LRRC71: variants seen among roughly 807,000 people sequenced by gnomAD.
LRRC71 encodes the protein leucine rich repeat containing 71.
Under a neutral mutation model 66.6 loss-of-function variants are expected in LRRC71, and 54 were observed. That is an observed-to-expected ratio of 0.81 (90% CI 0.65 to 1.02). The LOEUF (loss-of-function observed/expected upper bound fraction) is 1.02, where lower values mean the gene tolerates loss of function less well. LRRC71 is among the 50% of genes least tolerant of loss of function. LRRC71 has a pLI of 0.00. For missense variants in LRRC71, 724 were observed against 718.0 expected (o/e 1.01, Z -0.10); for synonymous variants, 323 against 303.9 (o/e 1.06, Z -0.65).
At chr1:156,928,112 C>T (rs1056198619) in intron 9 of LRRC71, 108 bp downstream of exon 9, 2 of 1,057,960 alleles carry the variant, frequency 1.9e-6, no homozygotes, top group African/African-American at 3.2e-5. Context: ...TTAATCTCCA[C>T]CCTCTGTCCT....
At chr1:156,921,042 A>G (rs780866580) in intron 1 of LRRC71, 79 bp downstream of exon 1, 4 of 1,414,812 alleles carry the variant, frequency 2.8e-6, no homozygotes, top group Non-Finnish European at 3.7e-6. Flanking sequence ...CACTGCTCCA[A>G]GGTTATGGCT....
At chr1:156,937,397 G>A (rs759557895), downstream of LRRC71, 3 of 1,599,504 alleles carry the variant, frequency 1.9e-6, no homozygotes, top group South Asian at 2.3e-5. Context: ...TGTCTGCCCT[G>A]CAGGGAGGCT....
rs569302154 is a variant in LRRC71, at chr1:156,927,827, C to T, written c.906+11C>T. 4 of 1,613,384 alleles carry T rather than the reference C, an allele frequency of 2.5e-6. No individual in the cohort carries two copies. Among genetic ancestry groups the T allele is most frequent in the East Asian group, 4.5e-5 (2 of 44,858 alleles). On this transcript the variant is annotated intron_variant, in intron 8 of 14. Coordinates refer to ENST00000337428, the MANE Select transcript of LRRC71 (RefSeq NM_144702.3). ...CTGAAGCTGGCTGAGGTGGGTGTGCCGATCAGGTGGGGCAGGGGCGTGGGC... is the reference window on the plus strand; with the variant it reads ...CTGAAGCTGGCTGAGGTGGGTGTGCTGATCAGGTGGGGCAGGGGCGTGGGC...
intron 5 of LRRC71, among the ~76,000 whole-genome samples, chr1:156,925,952 A>G (rs822439): frequency 1 from 152,358 of 152,396 alleles, 76,160 homozygotes; most frequent in Middle Eastern, 1. Flanking sequence ...GTAAAAGTAA[A>G]TCATAGCAAC....
At chr1:156,936,490 AAAAAAAAATATATATATAT>A (rs1387501471), downstream of LRRC71, among the ~76,000 whole-genome samples, 3 of 95,920 alleles carry the variant, frequency 3.1e-5, no homozygotes, top group African/African-American at 1.3e-4. Context: ...GAAAAAAAAA[AAAAAAAAATATATATATAT>A]ATATATATAT....
chr1:156,930,058 CTTTT>C (rs376042832), intron 11 of LRRC71, among the ~76,000 whole-genome samples: 1 of 101,556 alleles, frequency 9.8e-6, no homozygotes, highest in Non-Finnish European at 2.0e-5. Flanking sequence ...TTCTTTCTTT[CTTTT>C]TCTTTCTTTC....
chr1:156,939,713 C>A, the LRRC71 span: 2 of 1,614,142 alleles, frequency 1.2e-6, no homozygotes, highest in Non-Finnish European at 1.7e-6. Context: ...CGTTCCCCCT[C>A]CAGCCCTGCA....
At chr1:156,936,055 G>C (rs148989479), downstream of LRRC71, 229 of 1,613,974 alleles carry the variant, frequency 1.4e-4, 1 homozygote, top group Middle Eastern at 9.9e-4. Flanking sequence ...GGGGGCGTCA[G>C]AGCCTGTGGG....
chr1:156,940,370 A>G, the LRRC71 span: 4 of 1,613,342 alleles, frequency 2.5e-6, no homozygotes, highest in Non-Finnish European at 3.4e-6. Context: ...CCTCCTGCTC[A>G]GGGTCCTCTA....
chr1:156,937,354 A>T, downstream of LRRC71: 3 of 1,612,770 alleles, frequency 1.9e-6, no homozygotes, highest in Non-Finnish European at 1.7e-6. Flanking sequence ...GTCTTGGATC[A>T]TCGTTGCCTC....
At chr1:156,930,709 G>A in intron 12 of LRRC71, 92 bp downstream of exon 12, 2 of 1,209,198 alleles carry the variant, frequency 1.7e-6, no homozygotes, top group East Asian at 5.1e-5. Flanking sequence ...CTGGAATGTG[G>A]TCTCCAGCCC....
At chr1:156,935,893 C>T (rs1654952186), downstream of LRRC71, 3 of 1,275,994 alleles carry the variant, frequency 2.4e-6, no homozygotes, top group African/African-American at 4.5e-5. Flanking sequence ...TCCCTAACTG[C>T]CTCCTCCACA....
the LRRC71 span, among the ~76,000 whole-genome samples, chr1:156,940,696 A>G: frequency 0.23 from 34,640 of 152,152 alleles, 4,186 homozygotes; most frequent in East Asian, 0.37. Flanking sequence ...GTTAGAAGGC[A>G]GTAACTTCCA....
At chr1:156,937,207 T>C, downstream of LRRC71, 1 of 1,611,996 alleles carries the variant, frequency 6.2e-7, no homozygotes, top group Non-Finnish European at 8.5e-7. Flanking sequence ...TTTGGGGTGA[T>C]GGACTGAAGG....
At chr1:156,939,455 G>A in the LRRC71 span, 1 of 1,563,222 alleles carries the variant, frequency 6.4e-7, no homozygotes, top group African/African-American at 1.4e-5. Flanking sequence ...ACGGTACCCA[G>A]GGGGAGTATA....
chr1:156,934,115 G>A (rs747440442), downstream of LRRC71, among the ~76,000 whole-genome samples: 7 of 152,222 alleles, frequency 4.6e-5, no homozygotes, highest in Non-Finnish European at 1.0e-4. Context: ...AGCTTCTGCA[G>A]GGAAACTTGC....
chr1:156,937,178 C>A, downstream of LRRC71: 2 of 1,601,648 alleles, frequency 1.2e-6, no homozygotes, highest in Non-Finnish European at 1.7e-6. Flanking sequence ...AGACACACAT[C>A]TCACTCATGG....
intron 13 of LRRC71, 108 bp downstream of exon 13, chr1:156,932,135 T>C: frequency 1.1e-6 from 1 of 897,364 alleles, no homozygotes; most frequent in Non-Finnish European, 1.8e-6. Context: ...CCTCCCATCT[T>C]TGGGCTACAT....
chr1:156,938,027 G>A (rs776593470), downstream of LRRC71, among the ~76,000 whole-genome samples: 9 of 152,324 alleles, frequency 5.9e-5, no homozygotes, highest in African/African-American at 1.2e-4. Context: ...GAGAACCACC[G>A]CGGAATCTGG....
Sources: gnomAD v4.1 joint callset for allele counts (sites outside exome capture counted in the v4.1 genomes callset) on GRCh38, gnomAD v4.1.1 for gene constraint, MANE v1.5 for transcripts, NCBI Gene and HGNC (gene_info 2026-07-23, HGNC 2026-07-21) for gene names.